Variants in CCDC171 observed in about 807,000 individuals in gnomAD.
The protein encoded by CCDC171 is coiled-coil domain-containing protein 171.
In CCDC171, 177 loss-of-function variants were observed where a neutral mutation model predicts 168.2. The observed-to-expected ratio is 1.05, with a 90% CI of 0.93 to 1.19. The LOEUF is 1.19. Ranked by LOEUF, CCDC171 falls within the 50% of genes most tolerant of loss-of-function variation. CCDC171 has a pLI of 0.00. For missense variants in CCDC171, 1,991 were observed against 1,539.0 expected, an observed-to-expected ratio of 1.29 and a Z score of -4.91; for synonymous variants, 687 against 540.8, an observed-to-expected ratio of 1.27 and a Z score of -3.75.
intron 6 of CCDC171, among the ~76,000 whole-genome samples, chr9:15,601,980 A>G (rs554169711): frequency 2.9e-4 from 44 of 152,322 alleles, no homozygotes; most frequent in Middle Eastern, 3.4e-3. Context: ...TATGTGAAGT[A>G]CTAAAAGAAT....
At chr9:15,700,159 C>T (rs914436626) in intron 11 of CCDC171, among the ~76,000 whole-genome samples, 3 of 152,188 alleles carry the variant, frequency 2.0e-5, no homozygotes, top group South Asian at 2.1e-4. Flanking sequence ...GCAGGCATGG[C>T]GGGCTGCAGG....
intron 9 of CCDC171, among the ~76,000 whole-genome samples, chr9:15,675,187 G>GTTTTTTTTTTTTTTTT (rs138989790): frequency 4.0e-4 from 30 of 75,528 alleles, no homozygotes; most frequent in South Asian, 6.3e-4. Flanking sequence ...TGCAACTCCT[G>GTTTTTTTTTTTTTTTT]TTTTTTTTTT....
At chr9:15,970,504 A>G (rs1831243449) in intron 25 of CCDC171, among the ~76,000 whole-genome samples, 1 of 152,088 alleles carries the variant, frequency 6.6e-6, no homozygotes, top group Non-Finnish European at 1.5e-5. Flanking sequence ...CTGGAAAATT[A>G]TGTCATACAA....
In CCDC171 at chr9:15,744,268, C is replaced by T. The variant is rs183117708; in HGVS notation, c.2050-5C>T. ...ATCAAATATATTTTTTGACTTCTTC[C>T]ATAGAAATTTCAAGAAATTGCTGAA... On this transcript the variant is annotated splice_polypyrimidine_tract_variant and splice_region_variant and intron_variant, in intron 16 of 25. Transcript: ENST00000380701. The T allele has an allele frequency of 1.5e-4, 239 of 1,567,944 alleles. 2 individuals carry two copies. Among genetic ancestry groups the T allele is most frequent in the Admixed American group, 8.5e-4 (44 of 51,950 alleles).
At chr9:15,738,799 T>A (rs2054656381) in intron 16 of CCDC171, among the ~76,000 whole-genome samples, 1 of 152,162 alleles carries the variant, frequency 6.6e-6, no homozygotes, top group Non-Finnish European at 1.5e-5. Context: ...CAAATTACAT[T>A]TGGAAATTTT....
In CCDC171 at chr9:15,819,464, C is replaced by A. The variant is rs1331337728; in HGVS notation, c.3268-27238C>A. On this transcript the variant is annotated intron_variant, in intron 21 of 25. Coordinates refer to ENST00000380701, the MANE Select transcript of CCDC171 (RefSeq NM_173550.4). Reference sequence around the variant, plus strand: ...AAACCCATCTCACGTGCAGAGACACCCATAGACTCAAAATAAAGGGATGGA... The same window carrying A: ...AAACCCATCTCACGTGCAGAGACACACATAGACTCAAAATAAAGGGATGGA... Among the ~76,000 whole-genome samples, 19 of 116,074 alleles carry A rather than the reference C, an allele frequency of 1.6e-4. 7 individuals are homozygous for A. The highest frequency in any genetic ancestry group is 1.2e-4 in the Non-Finnish European group (6 of 51,874). 76.1% of individuals were successfully genotyped at this position (116,074 alleles called of 152,430 possible).
downstream of CCDC171, among the ~76,000 whole-genome samples, chr9:15,978,923 C>G (rs60543075): frequency 0.076 from 11,606 of 152,136 alleles, 1,458 homozygotes; most frequent in African/African-American, 0.26. Flanking sequence ...CCCTGGTGAC[C>G]ATAATCTACT....
chr9:15,812,328 T>C (rs1443839073), intron 21 of CCDC171, among the ~76,000 whole-genome samples: 1 of 152,202 alleles, frequency 6.6e-6, no homozygotes, highest in Non-Finnish European at 1.5e-5. Context: ...CATAGGTATA[T>C]AGAAACAGGG....
chr9:16,032,469 C>A (rs557658524), intron 6 of CCDC171, among the ~76,000 whole-genome samples: 1 of 152,232 alleles, frequency 6.6e-6, no homozygotes, highest in South Asian at 2.1e-4. Flanking sequence ...GAGAGGGCAG[C>A]AGAGGGCATA....
intron 24 of CCDC171, among the ~76,000 whole-genome samples, chr9:15,897,222 G>A (rs1821024197): frequency 6.6e-6 from 1 of 152,016 alleles, no homozygotes; most frequent in Admixed American, 6.6e-5. Context: ...GCTGCTGAGA[G>A]ATACATAGCA....
intron 6 of CCDC171, among the ~76,000 whole-genome samples, chr9:15,620,919 G>T (rs1430859881): frequency 6.6e-6 from 1 of 152,066 alleles, no homozygotes; most frequent in African/African-American, 2.4e-5. Flanking sequence ...TTCCTGAAGG[G>T]CCAGATGATG....
intron 4 of CCDC171, chr9:15,588,461 A>G: frequency 3.5e-6 from 1 of 289,306 alleles, no homozygotes; most frequent in Non-Finnish European, 7.1e-6. Flanking sequence ...CCAGAGCGCA[A>G]GCCCAAAAAG....
intron 7 of CCDC171, among the ~76,000 whole-genome samples, chr9:15,633,541 T>C (rs2132347155): frequency 6.6e-6 from 1 of 152,232 alleles, no homozygotes; most frequent in African/African-American, 2.4e-5. Context: ...CTGGAGAGGA[T>C]GTGGAGAAAT....
At chr9:16,052,873 C>G (rs1439126502) in intron 1 of CCDC171, among the ~76,000 whole-genome samples, 1 of 149,686 alleles carries the variant, frequency 6.7e-6, no homozygotes, top group Non-Finnish European at 1.5e-5. Flanking sequence ...CTTTTCTTTT[C>G]AAACGGAATG....
At chr9:15,908,578 C>G (rs534614468) in intron 24 of CCDC171, among the ~76,000 whole-genome samples, 7 of 152,152 alleles carry the variant, frequency 4.6e-5, no homozygotes, top group Non-Finnish European at 8.8e-5. Flanking sequence ...CTGGGTGCAG[C>G]ACACCTACAT....
At chr9:15,780,219 T>A (rs905011676) in intron 20 of CCDC171, among the ~76,000 whole-genome samples, 1 of 152,214 alleles carries the variant, frequency 6.6e-6, no homozygotes, top group African/African-American at 2.4e-5. Context: ...GAATTACTCT[T>A]AAGCCATAGG....
chr9:15,995,826 G>C (rs1301647338), intron 3 of CCDC171, among the ~76,000 whole-genome samples: 2 of 152,120 alleles, frequency 1.3e-5, no homozygotes, highest in Non-Finnish European at 2.9e-5. Flanking sequence ...CATGATCTTT[G>C]CTTGTTTCAT....
At chr9:15,604,155 G>T (rs1325192030) in intron 6 of CCDC171, among the ~76,000 whole-genome samples, 5 of 148,736 alleles carry the variant, frequency 3.4e-5, no homozygotes, top group African/African-American at 1.2e-4. Context: ...TTAGACCTTT[G>T]TCAGATGGAT....
intron 9 of CCDC171, among the ~76,000 whole-genome samples, chr9:15,670,513 G>T (rs1246345637): frequency 6.6e-6 from 1 of 151,886 alleles, no homozygotes; most frequent in Non-Finnish European, 1.5e-5. Context: ...TCTGATATTT[G>T]ATTTCATATT....
Sources: allele counts gnomAD v4.1 joint callset (sites outside exome capture counted in the v4.1 genomes callset), GRCh38; gene constraint gnomAD v4.1.1; transcripts MANE v1.5; gene names NCBI Gene and HGNC (gene_info 2026-07-23, HGNC 2026-07-21).